Variants in ARPC2 observed in about 807,000 individuals in gnomAD.
ARPC2 encodes the protein actin-related protein 2/3 complex subunit 2.
A neutral mutation model predicts 38.6 loss-of-function variants in ARPC2; 4 were observed. That is an observed-to-expected ratio of 0.10 (90% CI 0.05 to 0.24). ARPC2 has a LOEUF of 0.24. Ranked by LOEUF, ARPC2 falls within the 10% of genes least tolerant of loss-of-function variation. The pLI is 1.00. For missense variants in ARPC2, 229 were observed against 387.3 expected (o/e 0.59, Z 3.43); for synonymous variants, 125 against 140.8 (o/e 0.89, Z 0.79).
At chr2:218,251,361 G>T (rs535333716) in intron 10 of ARPC2, among the ~76,000 whole-genome samples, 1 of 150,546 alleles carries the variant, frequency 6.6e-6, no homozygotes, top group African/African-American at 2.4e-5. Context: ...ACAGGCGTGC[G>T]CCACTAAGCC....
chr2:218,238,536 AAG>A, intron 5 of ARPC2, 126 bp from the exon 6 acceptor site: 1 of 646,712 alleles, frequency 1.5e-6, no homozygotes, highest in East Asian at 2.8e-5. Flanking sequence ...AACCTGAAAA[AAG>A]ATTTTTTTAG....
In ARPC2 at chr2:218,245,556, G is replaced by A. The variant is rs1272988845; in HGVS notation, c.676+10G>A. 13 of 1,613,864 alleles carry A rather than the reference G, an allele frequency of 8.1e-6. 1 individual carries two copies. Among genetic ancestry groups the A allele is most frequent in the East Asian group, 2.2e-5 (1 of 44,894 alleles). On this transcript the variant is annotated intron_variant, in intron 8 of 10. Transcript: ENST00000315717. ...GGCTACATTACCTTTGGTGAGCAGG[G>A]TGCACTTGCTGCTTTTGTGCCGCTT...
At chr2:218,239,660 C>A in intron 7 of ARPC2, 176 bp downstream of exon 7, 1 of 555,050 alleles carries the variant, frequency 1.8e-6, no homozygotes, top group Non-Finnish European at 3.2e-6. Context: ...ATGGAGTGAT[C>A]TCGGCTCACT....
At chr2:218,223,876 CA>C (rs1379090959) in intron 2 of ARPC2, among the ~76,000 whole-genome samples, 1 of 152,150 alleles carries the variant, frequency 6.6e-6, no homozygotes, top group Non-Finnish European at 1.5e-5. Flanking sequence ...TTTTAAACCA[CA>C]GAAGTAAAAT....
At chr2:218,245,657 A>G (rs1690014125) in intron 8 of ARPC2, 111 bp downstream of exon 8, 2 of 1,430,830 alleles carry the variant, frequency 1.4e-6, no homozygotes, top group Non-Finnish European at 1.9e-6. Flanking sequence ...AAACGCAGGC[A>G]TACCAACTTG....
At chr2:218,235,656 T>C (rs1341708037) in intron 5 of ARPC2, 1 of 152,258 alleles carries the variant, frequency 6.6e-6, no homozygotes, top group Non-Finnish European at 1.5e-5. Flanking sequence ...GTCTTGGGCA[T>C]GCTTGTCACA....
chr2:218,252,299 T>C (rs1380658800), intron 10 of ARPC2, among the ~76,000 whole-genome samples: 1 of 151,678 alleles, frequency 6.6e-6, no homozygotes, highest in Non-Finnish European at 1.5e-5. Flanking sequence ...CAGAGAGGAG[T>C]GTCCAAATGC....
At chr2:218,220,116 G>C (rs980760301) in intron 2 of ARPC2, among the ~76,000 whole-genome samples, 12 of 152,226 alleles carry the variant, frequency 7.9e-5, no homozygotes, top group Non-Finnish European at 1.6e-4. Flanking sequence ...GAGGTGCTAA[G>C]GGGTGAAAGG....
At chr2:218,217,646 G>A (rs1689285320) in intron 2 of ARPC2, 102 bp downstream of exon 2, 4 of 1,268,702 alleles carry the variant, frequency 3.2e-6, no homozygotes, top group African/African-American at 1.5e-5. Context: ...GAGAAATGGG[G>A]TGCCTGGCAG....
In ARPC2 at chr2:218,245,401, T is replaced by C. The variant is rs1234054704; in HGVS notation, c.550-19T>C. The stretch of plus-strand genomic sequence containing the variant: ...TTACACCCACTTCTCTTCTGGTTGC[T>C]TTTGCTTTGTCTTGGCAGGAGTTCA... On this transcript the variant is annotated intron_variant, in intron 7 of 10. Coordinates refer to ENST00000315717, the MANE Select transcript of ARPC2 (RefSeq NM_152862.3). 2.5e-6 allele frequency: 4 copies of C among 1,613,632 alleles called. No individual in the cohort carries two copies.
At chr2:218,237,609 C>T (rs12990082) in intron 5 of ARPC2, among the ~76,000 whole-genome samples, 61,394 of 149,112 alleles carry the variant, frequency 0.41, 14,620 homozygotes, top group South Asian at 0.61. Context: ...GCTGGAGTCT[C>T]GCTCTGTTGT....
chr2:218,231,692 T>C (rs1689637699), intron 4 of ARPC2, among the ~76,000 whole-genome samples: 1 of 152,184 alleles, frequency 6.6e-6, no homozygotes, highest in Admixed American at 6.5e-5. Context: ...AATCACCAAA[T>C]AGGAACTACA....
intron 7 of ARPC2, among the ~76,000 whole-genome samples, chr2:218,242,384 G>A (rs1689935939): frequency 6.6e-6 from 1 of 152,194 alleles, no homozygotes; most frequent in Non-Finnish European, 1.5e-5. Context: ...TAAATAACCA[G>A]GAAAAGTTAA....
chr2:218,217,467 C>T lies in ARPC2; in HGVS notation c.-4C>T, dbSNP rs758369427. ...TTCTCCTTCCCCTGGGGGCAGCCGC[C>T]GCCATGATCCTGCTGGAGGTGAACA... On this transcript the variant is annotated 5_prime_UTR_variant, in exon 2 of 11. Coordinates refer to ENST00000315717, the MANE Select transcript of ARPC2 (RefSeq NM_152862.3). 2.5e-6 allele frequency: 4 copies of T among 1,613,860 alleles called. No individual in the cohort carries two copies. Among genetic ancestry groups the T allele is most frequent in the South Asian group, 1.1e-5 (1 of 91,076 alleles).
rs1023347400 is a variant in ARPC2 at position 218,226,042 on chromosome 2, C to G, written c.109+88C>G. ...GGGTGCAGTGGCACATGCCTGTAAT[C>G]CCAGCACTTTGGGAGTCCGAGGCAG... On this transcript the variant is annotated intron_variant, in intron 3 of 10. Transcript: ENST00000315717. The G allele has an allele frequency of 4.3e-6, 6 of 1,388,366 alleles. No homozygotes were observed. The African/African-American group carries it at 5.7e-5, about 13-fold the overall frequency. 86.0% of individuals were successfully genotyped at this position (1,388,366 alleles called of 1,614,324 possible).
intron 10 of ARPC2, chr2:218,252,913 A>G (rs1690228220): frequency 2.2e-6 from 1 of 456,666 alleles, no homozygotes; most frequent in Non-Finnish European, 4.4e-6. Flanking sequence ...TGGGACTTAG[A>G]AAGAGCAACT....
intron 5 of ARPC2, chr2:218,235,111 A>G (rs1488392384): frequency 3.3e-6 from 1 of 301,492 alleles, no homozygotes; most frequent in East Asian, 9.5e-5. Context: ...TTGATTAGAA[A>G]AGTCTTCTAA....
At chr2:218,223,058 C>T (rs1689420043) in intron 2 of ARPC2, among the ~76,000 whole-genome samples, 1 of 152,218 alleles carries the variant, frequency 6.6e-6, no homozygotes, top group Non-Finnish European at 1.5e-5. Flanking sequence ...ACTTAAAAGA[C>T]ACCGTTTGAG....
chr2:218,228,627 T>C, intron 3 of ARPC2, 111 bp from the exon 4 acceptor site: 1 of 564,182 alleles, frequency 1.8e-6, no homozygotes, highest in Non-Finnish European at 3.2e-6. Flanking sequence ...CCATTTTACT[T>C]ACATGCCTCC....
Sources: gnomAD v4.1 joint callset for allele counts (sites outside exome capture counted in the v4.1 genomes callset) on GRCh38, gnomAD v4.1.1 for gene constraint, MANE v1.5 for transcripts, NCBI Gene and HGNC (gene_info 2026-07-23, HGNC 2026-07-21) for gene names.